FOXK2: variants seen among roughly 807,000 people sequenced by gnomAD.
The protein encoded by FOXK2 is forkhead box protein K2.
In FOXK2, 24 loss-of-function variants were observed where a neutral mutation model predicts 53.3. That is an observed-to-expected ratio of 0.45 (90% CI 0.33 to 0.63). The LOEUF is 0.63. FOXK2 is among the 30% of genes least tolerant of loss of function. The probability of loss-of-function intolerance (pLI) is 0.03; values close to 1 mark genes in which losing one functional copy is unlikely to be tolerated. For synonymous variants in FOXK2, 505 were observed against 407.1 expected, an observed-to-expected ratio of 1.24 and a Z score of -2.89; for missense variants, 952 against 910.5, an observed-to-expected ratio of 1.05 and a Z score of -0.59.
chr17:82,525,288 T>C (rs1164091438), intron 1 of FOXK2, among the ~76,000 whole-genome samples: 1 of 152,194 alleles, frequency 6.6e-6, no homozygotes, highest in Non-Finnish European at 1.5e-5. Context: ...GCAATTCTTC[T>C]GTCTCAGCCT....
intron 8 of FOXK2, among the ~76,000 whole-genome samples, chr17:82,587,717 G>A (rs1222277389): frequency 6.6e-6 from 1 of 152,216 alleles, no homozygotes; most frequent in Non-Finnish European, 1.5e-5. Flanking sequence ...AAACCGCACG[G>A]ATGTTCTGAC....
At chr17:82,522,294 G>T (rs2044371166) in intron 1 of FOXK2, among the ~76,000 whole-genome samples, 1 of 151,706 alleles carries the variant, frequency 6.6e-6, no homozygotes, top group African/African-American at 2.4e-5. Context: ...TGCATTCCAG[G>T]CTGGGATTAC....
chr17:82,566,471 A>C (rs2044852362), intron 2 of FOXK2, among the ~76,000 whole-genome samples: 1 of 152,150 alleles, frequency 6.6e-6, no homozygotes, highest in South Asian at 2.1e-4. Context: ...TGGGCCAAAT[A>C]GTAAGTGTGC....
intron 1 of FOXK2, among the ~76,000 whole-genome samples, chr17:82,562,826 G>A (rs1033566581): frequency 2.7e-5 from 4 of 148,756 alleles, no homozygotes; most frequent in Non-Finnish European, 4.5e-5. Context: ...TTTTTTGGTC[G>A]GGGGAGACAG....
intron 1 of FOXK2, among the ~76,000 whole-genome samples, chr17:82,528,087 C>G (rs1242892609): frequency 6.6e-6 from 1 of 152,144 alleles, no homozygotes; most frequent in Non-Finnish European, 1.5e-5. Context: ...TGCGAGCCAC[C>G]CTGCCTGGCC....
At chr17:82,587,419 T>C in intron 8 of FOXK2, 147 bp downstream of exon 8, 1 of 693,296 alleles carries the variant, frequency 1.4e-6, no homozygotes, top group South Asian at 1.7e-5. Context: ...AATCTAGTCA[T>C]GCTGGGGAAG....
At chr17:82,576,823 A>C (rs575476235) in intron 4 of FOXK2, 1 of 565,870 alleles carries the variant, frequency 1.8e-6, no homozygotes, top group Admixed American at 2.8e-5. Flanking sequence ...TGAATCCAGA[A>C]ATCCGCTCCA....
At chr17:82,575,887 G>A (rs148406201) in intron 4 of FOXK2, among the ~76,000 whole-genome samples, 7 of 152,294 alleles carry the variant, frequency 4.6e-5, no homozygotes, top group South Asian at 2.1e-4. Context: ...AGAGGGTGGC[G>A]GCGGGTTCAT....
chr17:82,548,641 A>G (rs2044648896), intron 1 of FOXK2, among the ~76,000 whole-genome samples: 1 of 152,034 alleles, frequency 6.6e-6, no homozygotes, highest in African/African-American at 2.4e-5. Flanking sequence ...TTAATTTTTC[A>G]CTTAGAGGTG....
chr17:82,545,132 A>G (rs2044612631), intron 1 of FOXK2, among the ~76,000 whole-genome samples: 1 of 152,064 alleles, frequency 6.6e-6, no homozygotes, highest in Non-Finnish European at 1.5e-5. Context: ...TCCACTTTGT[A>G]AAAGTATCAT....
At chr17:82,594,875 G>T (rs1179024360) in intron 8 of FOXK2, among the ~76,000 whole-genome samples, 5 of 152,196 alleles carry the variant, frequency 3.3e-5, no homozygotes, top group African/African-American at 1.2e-4. Flanking sequence ...GTGAATCTCT[G>T]TGTCTACAAA....
chr17:82,524,688 G>A lies in FOXK2; in HGVS notation c.419+4381G>A, dbSNP rs116019829. Among the ~76,000 whole-genome samples, 1,201 of 152,300 alleles carry A rather than the reference G, an allele frequency of 7.9e-3. 11 individuals are homozygous for A. The highest frequency in any genetic ancestry group is 0.028 in the African/African-American group (1,150 of 41,552). ...GCAGGGCTGTGTGTAAGGAAAGGCAGCGTTTTCCTCTCTTAGAGCCTCTGA... is the reference window on the plus strand; with the variant it reads ...GCAGGGCTGTGTGTAAGGAAAGGCAACGTTTTCCTCTCTTAGAGCCTCTGA... On this transcript the variant is annotated intron_variant, in intron 1 of 8. Transcript: ENST00000335255.
intron 8 of FOXK2, chr17:82,593,643 G>C (rs2045279418): frequency 6.6e-6 from 1 of 152,312 alleles, no homozygotes; most frequent in Admixed American, 6.5e-5. Flanking sequence ...CAGTGCATCG[G>C]CACAGAGCAG....
chr17:82,525,371 G>T (rs1370980098), intron 1 of FOXK2, among the ~76,000 whole-genome samples: 1 of 151,984 alleles, frequency 6.6e-6, no homozygotes, highest in Non-Finnish European at 1.5e-5. Context: ...GTAGAGACGG[G>T]GTTTCACCAT....
rs1484368585 is a variant in FOXK2 at position 82,587,174 on chromosome 17, C to T, written c.1688C>T (p.Ala563Val). Residue 563 changes from alanine to valine, a missense_variant, in exon 8 of 9, where the codon GCA becomes GTA. This residue lies in a region of FOXK2 where 551 missense variants were observed against 385.1 expected (regional missense o/e 1.43). Transcript: ENST00000335255. ...PVQTVTIVQQAPLGQHQLPIK... is the reference protein window; with the variant it reads ...PVQTVTIVQQVPLGQHQLPIK... The stretch of plus-strand genomic sequence containing the variant: ...CAGACGGTGACCATAGTACAACAGG[C>T]ACCTCTAGGTCAACACCAGCTACCA... 1 of 1,612,970 alleles carries T rather than the reference C, an allele frequency of 6.2e-7. No homozygotes were observed. The highest frequency in any genetic ancestry group is 8.5e-7 in the Non-Finnish European group (1 of 1,180,016).
At chr17:82,577,017 C>T (rs1262950576) in intron 4 of FOXK2, among the ~76,000 whole-genome samples, 1 of 151,988 alleles carries the variant, frequency 6.6e-6, no homozygotes, top group Non-Finnish European at 1.5e-5. Flanking sequence ...ATATTATTAG[C>T]GGGGTGTGGT....
At chr17:82,526,700 G>A (rs148697231) in intron 1 of FOXK2, among the ~76,000 whole-genome samples, 1 of 151,908 alleles carries the variant, frequency 6.6e-6, no homozygotes, top group Non-Finnish European at 1.5e-5. Context: ...CATGGTGGCG[G>A]GCACCTCTAG....
At chr17:82,578,852 G>A (rs1056235411) in intron 4 of FOXK2, among the ~76,000 whole-genome samples, 3 of 152,198 alleles carry the variant, frequency 2.0e-5, no homozygotes, top group Non-Finnish European at 2.9e-5. Flanking sequence ...CTTCTGGCCC[G>A]TGTCACGTTC....
chr17:82,583,723 G>A (rs375116081), intron 5 of FOXK2, among the ~76,000 whole-genome samples: 198 of 152,284 alleles, frequency 1.3e-3, no homozygotes, highest in South Asian at 2.9e-3. Context: ...CGGCTCCACC[G>A]TCAGTGCACG....
Sources: allele counts gnomAD v4.1 joint callset (sites outside exome capture counted in the v4.1 genomes callset), GRCh38; gene constraint gnomAD v4.1.1; regional missense constraint gnomAD v4.1.1; transcripts MANE v1.5; gene names NCBI Gene and HGNC (gene_info 2026-07-23, HGNC 2026-07-21).